The following ULK4 variants were observed in gnomAD, a reference collection of about 807,000 sequenced individuals.
ULK4 encodes the protein unc-51 like kinase 4.
Under a neutral mutation model 160.6 loss-of-function variants are expected in ULK4, and 133 were observed. The observed-to-expected ratio is 0.83, with a 90% confidence interval of 0.72 to 0.96. ULK4 has a LOEUF of 0.96. ULK4 is among the 40% of genes least tolerant of loss of function. ULK4 has a pLI of 0.00. For missense variants in ULK4, 1,580 were observed against 1,499.5 expected, an observed-to-expected ratio of 1.05 and a Z score of -0.89; for synonymous variants, 534 against 539.8, an observed-to-expected ratio of 0.99 and a Z score of 0.15.
chr3:41,762,656 T>A (rs572951310), intron 21 of ULK4, among the ~76,000 whole-genome samples: 2 of 51,340 alleles, frequency 3.9e-5, no homozygotes, highest in Non-Finnish European at 8.3e-5. Context: ...AGTGTTACAC[T>A]TTTTTTTTTT....
intron 34 of ULK4, among the ~76,000 whole-genome samples, chr3:41,416,755 G>C (rs565683739): frequency 2.0e-4 from 30 of 152,228 alleles, no homozygotes; most frequent in African/African-American, 6.7e-4. Context: ...TGCCCCATGT[G>C]AAACAGGGAA....
chr3:41,697,528 A>C (rs1202001896), intron 27 of ULK4, among the ~76,000 whole-genome samples: 1 of 152,242 alleles, frequency 6.6e-6, no homozygotes, highest in Non-Finnish European at 1.5e-5. Flanking sequence ...CAAAAGAGTC[A>C]AAAAGTTTTT....
At chr3:41,955,432 G>A (rs1464012435) in intron 1 of ULK4, 1 of 152,312 alleles carries the variant, frequency 6.6e-6, no homozygotes, top group Non-Finnish European at 1.5e-5. Flanking sequence ...GCCGCCATTG[G>A]AGACCAGCAG....
At chr3:41,348,012 A>G (rs758682544) in intron 35 of ULK4, among the ~76,000 whole-genome samples, 10 of 151,938 alleles carry the variant, frequency 6.6e-5, no homozygotes, top group Non-Finnish European at 1.0e-4. Flanking sequence ...GTTCGAGACC[A>G]TCCTGGCCAA....
chr3:41,415,094 A>C (rs1460856503), intron 34 of ULK4, among the ~76,000 whole-genome samples: 1 of 152,224 alleles, frequency 6.6e-6, no homozygotes, highest in African/African-American at 2.4e-5. Context: ...TTCCATGTAC[A>C]TTATGAACGG....
chr3:41,481,133 TG>T (rs1363723012), intron 32 of ULK4, among the ~76,000 whole-genome samples: 2 of 152,330 alleles, frequency 1.3e-5, no homozygotes, highest in East Asian at 3.9e-4. Context: ...GTTAGGTTTT[TG>T]GGTTGTCAAA....
chr3:41,635,063 G>A (rs962122538), intron 30 of ULK4, among the ~76,000 whole-genome samples: 7 of 152,272 alleles, frequency 4.6e-5, no homozygotes, highest in Admixed American at 3.3e-4. Flanking sequence ...AAAAGAATGG[G>A]TTAACACTGT....
chr3:41,783,548 A>G (rs573987563), intron 21 of ULK4, among the ~76,000 whole-genome samples: 2 of 151,792 alleles, frequency 1.3e-5, no homozygotes, highest in South Asian at 2.1e-4. Context: ...AAAAAAAAAA[A>G]AGAGAGGGAG....
intron 33 of ULK4, among the ~76,000 whole-genome samples, chr3:41,459,689 G>C (rs1287365708): frequency 6.6e-6 from 1 of 152,158 alleles, no homozygotes; most frequent in African/African-American, 2.4e-5. Context: ...GTGGGGACGG[G>C]GTCTACTAGA....
At chr3:41,598,733 T>C (rs1227308138) in intron 31 of ULK4, among the ~76,000 whole-genome samples, 14 of 151,988 alleles carry the variant, frequency 9.2e-5, no homozygotes, top group Admixed American at 2.6e-4. Context: ...CAAAGACTGC[T>C]GTATATTGTT....
At chr3:41,895,114 A>T (rs186344748) in intron 16 of ULK4, among the ~76,000 whole-genome samples, 1 of 152,190 alleles carries the variant, frequency 6.6e-6, no homozygotes, top group East Asian at 1.9e-4. Context: ...TCAATACTCA[A>T]AACAGTAACA....
At chr3:41,881,079 C>G (rs942408388) in intron 17 of ULK4, among the ~76,000 whole-genome samples, 1 of 151,922 alleles carries the variant, frequency 6.6e-6, no homozygotes, top group Non-Finnish European at 1.5e-5. Context: ...CTACAAGCAC[C>G]CAATTGTGAG....
In ULK4 at chr3:41,314,043, A is replaced by G. The variant is rs192413302; in HGVS notation, c.3679-64469T>C. ...AAGCGTCGACTGCCACCTAAGAGTG[A>G]GCCTTCAGATGATTCCAACCCCCCA... is the stretch of plus-strand genomic sequence containing the variant. On this transcript the variant is annotated intron_variant, in intron 35 of 36. Transcript: ENST00000301831. Among the ~76,000 whole-genome samples, 7 of 152,264 alleles carry G rather than the reference A, an allele frequency of 4.6e-5. No homozygotes were observed. The East Asian group carries it at 1.4e-3, about 29-fold the overall frequency.
intron 35 of ULK4, among the ~76,000 whole-genome samples, chr3:41,299,324 T>A (rs533527478): frequency 1.3e-5 from 2 of 152,312 alleles, no homozygotes; most frequent in African/African-American, 4.8e-5. Flanking sequence ...CATTAGCAGC[T>A]GACCAAGGAT....
chr3:41,517,924 C>G (rs2085805519), intron 32 of ULK4, among the ~76,000 whole-genome samples: 1 of 152,196 alleles, frequency 6.6e-6, no homozygotes, highest in African/African-American at 2.4e-5. Context: ...TTTGCACCAA[C>G]TTAATATTAA....
intron 35 of ULK4, among the ~76,000 whole-genome samples, chr3:41,374,200 C>T (rs1430949327): frequency 6.6e-6 from 1 of 152,170 alleles, no homozygotes; most frequent in Non-Finnish European, 1.5e-5. Context: ...CTGAATTCTA[C>T]CAGAGGTGCA....
intron 30 of ULK4, among the ~76,000 whole-genome samples, chr3:41,641,313 G>A (rs1365031080): frequency 6.6e-6 from 1 of 152,152 alleles, no homozygotes; most frequent in East Asian, 1.9e-4. Flanking sequence ...CTGAAGATAA[G>A]ACTGTGCATA....
At chr3:41,696,700 A>C (rs2036515634) in intron 27 of ULK4, among the ~76,000 whole-genome samples, 1 of 151,846 alleles carries the variant, frequency 6.6e-6, no homozygotes, top group South Asian at 2.1e-4. Context: ...AGAACCTTCA[A>C]ATTTGTTATT....
At chr3:41,697,391 A>G (rs1377557688) in intron 27 of ULK4, among the ~76,000 whole-genome samples, 2 of 146,504 alleles carry the variant, frequency 1.4e-5, no homozygotes, top group Non-Finnish European at 2.9e-5. Context: ...TTTTAACAAA[A>G]AAGTTTAGAA....
Sources: allele counts gnomAD v4.1 joint callset (sites outside exome capture counted in the v4.1 genomes callset), GRCh38; gene constraint gnomAD v4.1.1; transcripts MANE v1.5; gene names NCBI Gene and HGNC (gene_info 2026-07-23, HGNC 2026-07-21).